SETD7: variants seen among roughly 807,000 people sequenced by gnomAD.
The protein encoded by SETD7 is histone-lysine N-methyltransferase SETD7.
In SETD7, 16 loss-of-function variants were observed where a neutral mutation model predicts 41.8. That is an observed-to-expected ratio of 0.38 (90% CI 0.26 to 0.58). The LOEUF is 0.58. Ranked by LOEUF, SETD7 falls within the 20% of genes least tolerant of loss-of-function variation. SETD7 has a pLI of 0.64. For missense variants in SETD7, 346 were observed against 459.7 expected (o/e 0.75, Z 2.26); for synonymous variants, 163 against 169.7 (o/e 0.96, Z 0.31).
chr4:139,544,797 AGTGTGTGTGTGTGTGTGT>A (rs10581648), intron 2 of SETD7, among the ~76,000 whole-genome samples: 1 of 144,840 alleles, frequency 6.9e-6, no homozygotes, highest in African/African-American at 2.6e-5. Context: ...CCAGATTTAA[AGTGTGTGTGTGTGTGTGT>A]GTGTGTGTGT....
intron 1 of SETD7, among the ~76,000 whole-genome samples, chr4:139,553,504 T>C (rs1728169862): frequency 6.6e-6 from 1 of 152,190 alleles, no homozygotes; most frequent in African/African-American, 2.4e-5. Flanking sequence ...ATAAAAAATG[T>C]AGGAAGACAG....
At chr4:139,537,136 C>T (rs944480715) in intron 2 of SETD7, among the ~76,000 whole-genome samples, 1 of 152,022 alleles carries the variant, frequency 6.6e-6, no homozygotes, top group African/African-American at 2.4e-5. Flanking sequence ...CCAACACGCC[C>T]AGCTAATTTT....
chr4:139,546,350 A>AT, intron 2 of SETD7: 3 of 209,702 alleles, frequency 1.4e-5, no homozygotes, highest in South Asian at 1.5e-4. Context: ...TTTGCCAAGC[A>AT]TTTTTTCATC....
chr4:139,546,885 A>G (rs2111172204), intron 2 of SETD7, 35 bp downstream of exon 2: 1 of 1,613,688 alleles, frequency 6.2e-7, no homozygotes, highest in African/African-American at 1.3e-5. Flanking sequence ...ATAATTCGGT[A>G]CCCCCAAAGA....
chr4:139,523,319 A>C, intron 5 of SETD7, 35 bp downstream of exon 5: 1 of 1,485,638 alleles, frequency 6.7e-7, no homozygotes. Flanking sequence ...AACCTCACAT[A>C]AACAGTGCAA....
chr4:139,497,533 C>T (rs1315561688), intron 7 of SETD7, among the ~76,000 whole-genome samples: 1 of 151,670 alleles, frequency 6.6e-6, no homozygotes, highest in African/African-American at 2.4e-5. Context: ...AATCAAAGTT[C>T]AACCTGATGA....
intron 2 of SETD7, among the ~76,000 whole-genome samples, chr4:139,541,116 C>T (rs1316850426): frequency 1.3e-5 from 2 of 152,088 alleles, no homozygotes; most frequent in African/African-American, 2.4e-5. Flanking sequence ...ATCAAATTGG[C>T]ATGTGAAGGA....
chr4:139,553,130 G>A (rs1323964579), intron 1 of SETD7, among the ~76,000 whole-genome samples: 3 of 152,082 alleles, frequency 2.0e-5, no homozygotes, highest in South Asian at 4.1e-4. Flanking sequence ...ACACTCTCTC[G>A]ACACAGCCTC....
At chr4:139,536,652 C>T (rs1037546381) in intron 2 of SETD7, among the ~76,000 whole-genome samples, 2 of 151,864 alleles carry the variant, frequency 1.3e-5, no homozygotes, top group African/African-American at 4.8e-5. Flanking sequence ...GCAGAGGTTG[C>T]AGTGAGCTGA....
At chr4:139,544,944 T>C (rs1370924712) in intron 2 of SETD7, among the ~76,000 whole-genome samples, 2 of 152,056 alleles carry the variant, frequency 1.3e-5, no homozygotes, top group Non-Finnish European at 2.9e-5. Flanking sequence ...GAGAAAGTGC[T>C]ATGAAGCATA....
rs980759177 is a variant in SETD7 at position 139,544,925 on chromosome 4, T to C, written c.170+1995A>G. 1.8e-4 allele frequency among the ~76,000 whole-genome samples: 27 copies of C among 151,922 alleles called. 1 individual carries two copies. Among genetic ancestry groups the C allele is most frequent in the Admixed American group, 1.2e-3 (18 of 15,234 alleles). On this transcript the variant is annotated intron_variant, in intron 2 of 7. Transcript: ENST00000274031. ...ACTTAGCAAGGACTTCTTTTTAGTATCAAATTAAGAGAAAGTGCTATGAAG... is the reference window on the plus strand; with the variant it reads ...ACTTAGCAAGGACTTCTTTTTAGTACCAAATTAAGAGAAAGTGCTATGAAG...
intron 2 of SETD7, among the ~76,000 whole-genome samples, chr4:139,541,611 G>A (rs891036514): frequency 5.9e-5 from 9 of 152,162 alleles, no homozygotes; most frequent in Non-Finnish European, 1.0e-4. Flanking sequence ...GAGGAGGCGG[G>A]AATGGACACA....
At chr4:139,501,242 A>C (rs1726570594), downstream of SETD7, among the ~76,000 whole-genome samples, 1 of 152,230 alleles carries the variant, frequency 6.6e-6, no homozygotes. Context: ...ATGGCCCAGA[A>C]GAGGGACTGC....
intron 7 of SETD7, among the ~76,000 whole-genome samples, chr4:139,517,475 C>CAAAAAAAAAAAA (rs56132171): frequency 7.5e-6 from 1 of 134,046 alleles, no homozygotes; most frequent in African/African-American, 3.1e-5. Flanking sequence ...AAATCCATCT[C>CAAAAAAAAAAAA]AAAAAAAAAA....
At chr4:139,537,583 T>C (rs1466576106) in intron 2 of SETD7, among the ~76,000 whole-genome samples, 1 of 152,240 alleles carries the variant, frequency 6.6e-6, no homozygotes, top group African/African-American at 2.4e-5. Context: ...TTTATCGATG[T>C]TAAATTTACG....
chr4:139,524,477 T>C (rs1727266376), intron 4 of SETD7, among the ~76,000 whole-genome samples: 2 of 152,346 alleles, frequency 1.3e-5, no homozygotes, highest in South Asian at 2.1e-4. Context: ...ACAGTGCTGC[T>C]CCTGGAGCTC....
chr4:139,517,056 T>C (rs1387820809), intron 7 of SETD7, among the ~76,000 whole-genome samples: 2 of 152,392 alleles, frequency 1.3e-5, no homozygotes, highest in Non-Finnish European at 2.9e-5. Context: ...TGTTGTAGAA[T>C]ATGTCAGTAC....
rs138256495 is a variant in SETD7 at position 139,512,670 on chromosome 4, A to G, written c.921-827T>C. 7.9e-5 allele frequency among the ~76,000 whole-genome samples: 12 copies of G among 152,008 alleles called. No individual in the cohort carries two copies. In the East Asian group the frequency reaches 2.3e-3, roughly 30 times the overall value. ...CTGCTGAAATGGATACATGTAAGGC[A>G]TGGCCAGAAGAAATCAGCTTTATTT... On this transcript the variant is annotated intron_variant, in intron 7 of 7. Transcript: ENST00000274031.
At chr4:139,497,863 G>A (rs780367969) in intron 7 of SETD7, among the ~76,000 whole-genome samples, 39 of 152,130 alleles carry the variant, frequency 2.6e-4, no homozygotes, top group Non-Finnish European at 5.1e-4. Flanking sequence ...AAAGTGCTGG[G>A]ATTTTTAAAA....
Sources: gnomAD v4.1 joint callset for allele counts (sites outside exome capture counted in the v4.1 genomes callset) on GRCh38, gnomAD v4.1.1 for gene constraint, MANE v1.5 for transcripts, NCBI Gene and HGNC (gene_info 2026-07-23, HGNC 2026-07-21) for gene names.